RGS7: variants seen among roughly 807,000 people sequenced by gnomAD.
The protein encoded by RGS7 is regulator of G-protein signaling 7.
In RGS7, 27 loss-of-function variants were observed where a neutral mutation model predicts 81.1. The ratio of observed to expected loss-of-function variants is 0.33; its 90% confidence interval spans 0.25 to 0.46. The LOEUF is 0.46. RGS7 is among the 20% of genes least tolerant of loss of function. The probability of loss-of-function intolerance (pLI) is 1.00; values close to 1 mark genes in which losing one functional copy is unlikely to be tolerated. For synonymous variants in RGS7, 208 were observed against 207.7 expected, an observed-to-expected ratio of 1.00 and a Z score of -0.01; for missense variants, 396 against 607.4, an observed-to-expected ratio of 0.65 and a Z score of 3.66.
intron 6 of RGS7, among the ~76,000 whole-genome samples, chr1:240,909,919 G>A (rs373764516): frequency 1.3e-5 from 2 of 152,038 alleles, no homozygotes; most frequent in African/African-American, 4.8e-5. Context: ...ATTAAACACC[G>A]AGCCACCTGG....
intron 3 of RGS7, among the ~76,000 whole-genome samples, chr1:240,988,797 T>C (rs569863991): frequency 2.4e-4 from 36 of 152,342 alleles, no homozygotes; most frequent in African/African-American, 7.7e-4. Flanking sequence ...GCCGGTGTCC[T>C]AGTTCTGTCT....
At chr1:240,847,478 T>A (rs785978) in intron 9 of RGS7, among the ~76,000 whole-genome samples, 1 of 151,606 alleles carries the variant, frequency 6.6e-6, no homozygotes, top group African/African-American at 2.4e-5. Context: ...CATAGCTGTG[T>A]GAGTTATCTT....
chr1:240,936,735 A>G lies in RGS7; in HGVS notation c.227-29T>C, dbSNP rs1252509673. The G allele has an allele frequency of 1.9e-6, 3 of 1,540,056 alleles. No individual in the cohort carries two copies. In the East Asian group the frequency reaches 6.7e-5, roughly 35 times the overall value. ...TTTTATGAAAACAAACAAAGAACAT[A>G]AAAAAGCCTTTTAAATGTATTCTTT... On this transcript the variant is annotated intron_variant, in intron 4 of 18. Coordinates refer to ENST00000440928, the MANE Select transcript of RGS7 (RefSeq NM_001364886.1).
chr1:241,110,638 TTTTTA>T (rs10590598), intron 2 of RGS7, among the ~76,000 whole-genome samples: 142,319 of 144,060 alleles, frequency 0.99, 70,293 homozygotes, highest in East Asian at 1. Context: ...TATTATTTCA[TTTTTA>T]TTTTATTTTA....
Position 241,150,069 on chromosome 1 carries a change from C to T in RGS7, c.79-51307G>A, listed in dbSNP as rs545843307. ...TTTCATAAGAATCATACAACCTGTC[C>T]TCCCTGTACCTGGGGCATACACAGA... On this transcript the variant is annotated intron_variant, in intron 2 of 18. Transcript: ENST00000440928. 2.6e-5 allele frequency among the ~76,000 whole-genome samples: 4 copies of T among 152,268 alleles called. No homozygotes were observed. In the Middle Eastern group the frequency reaches 0.01, roughly 388 times the overall value.
intron 2 of RGS7, among the ~76,000 whole-genome samples, chr1:241,195,641 AT>A (rs1558177975): frequency 6.6e-6 from 1 of 152,152 alleles, no homozygotes; most frequent in Non-Finnish European, 1.5e-5. Context: ...AGGCAATACA[AT>A]TCAGTGAAGA....
chr1:241,229,428 G>A (rs568095157), intron 2 of RGS7, among the ~76,000 whole-genome samples: 28 of 152,278 alleles, frequency 1.8e-4, no homozygotes, highest in African/African-American at 5.8e-4. Context: ...GAGTCCTCAC[G>A]CGTGTAGCTT....
intron 4 of RGS7, among the ~76,000 whole-genome samples, chr1:240,952,348 G>C (rs985908718): frequency 6.6e-6 from 1 of 152,008 alleles, no homozygotes; most frequent in African/African-American, 2.4e-5. Context: ...CAGCAGTGTC[G>C]TAAAGGAAGA....
intron 3 of RGS7, among the ~76,000 whole-genome samples, chr1:241,045,046 T>A (rs1225740743): frequency 1.3e-5 from 2 of 152,196 alleles, no homozygotes; most frequent in African/African-American, 4.8e-5. Context: ...TGGCAATTAC[T>A]TTCTCTTCAG....
chr1:240,875,703 T>C (rs1484396442), intron 6 of RGS7, among the ~76,000 whole-genome samples: 2 of 152,204 alleles, frequency 1.3e-5, no homozygotes, highest in Non-Finnish European at 2.9e-5. Flanking sequence ...GCTTGTTACC[T>C]TTCATCTTTT....
chr1:240,838,029 C>A (rs920946770), intron 9 of RGS7, among the ~76,000 whole-genome samples: 1 of 152,072 alleles, frequency 6.6e-6, no homozygotes, highest in Non-Finnish European at 1.5e-5. Context: ...TCATAAGTTC[C>A]CAAATAGAAA....
chr1:241,309,825 C>T (rs1243737886), intron 2 of RGS7, among the ~76,000 whole-genome samples: 1 of 152,244 alleles, frequency 6.6e-6, no homozygotes, highest in Non-Finnish European at 1.5e-5. Flanking sequence ...TCTCACTTTA[C>T]AGCATTGCAC....
At chr1:240,929,764 A>T (rs797010682) in intron 6 of RGS7, among the ~76,000 whole-genome samples, 6 of 152,290 alleles carry the variant, frequency 3.9e-5, no homozygotes, top group African/African-American at 1.4e-4. Context: ...TCCTCTTAAG[A>T]TCCAGCTCAA....
chr1:240,801,512 A>AT lies in RGS7; in HGVS notation c.1360-5_1360-4insA. The AT allele has an allele frequency of 6.3e-7, 1 of 1,599,878 alleles. No homozygotes were observed. Among genetic ancestry groups the AT allele is most frequent in the Non-Finnish European group, 8.6e-7 (1 of 1,167,396 alleles). On this transcript the variant is annotated splice_polypyrimidine_tract_variant and splice_region_variant and intron_variant, in intron 16 of 18. Transcript: ENST00000440928. ...TGCGATCCATTGAGTTTCCAGACTT[A>AT]CGTATGTGGGGTAGGATAGGATGAA...
intron 2 of RGS7, among the ~76,000 whole-genome samples, chr1:241,307,896 A>G (rs2080274485): frequency 6.6e-6 from 1 of 152,192 alleles, no homozygotes; most frequent in Non-Finnish European, 1.5e-5. Flanking sequence ...ACATCGCCTC[A>G]GGGTACAGAA....
rs1383228581 is a variant in RGS7, at chr1:241,187,374, G to C, written c.79-88612C>G. 2.6e-5 allele frequency among the ~76,000 whole-genome samples: 4 copies of C among 152,080 alleles called. No homozygotes were observed. The East Asian group carries it at 7.7e-4, about 29-fold the overall frequency. ...TAGAGTGATAAATGACTTATTCAATGCTACATTGCTAGTTAAGTGAAGGAG... is the reference window on the plus strand; with the variant it reads ...TAGAGTGATAAATGACTTATTCAATCCTACATTGCTAGTTAAGTGAAGGAG... On this transcript the variant is annotated intron_variant, in intron 2 of 18. Coordinates refer to ENST00000440928, the MANE Select transcript of RGS7 (RefSeq NM_001364886.1).
chr1:241,286,815 A>C (rs981716480), intron 2 of RGS7, among the ~76,000 whole-genome samples: 1 of 152,116 alleles, frequency 6.6e-6, no homozygotes, highest in African/African-American at 2.4e-5. Context: ...ACAGCCCCAT[A>C]AACATGCCAC....
chr1:240,934,748 C>A (rs1218072218), intron 5 of RGS7, among the ~76,000 whole-genome samples: 1 of 152,054 alleles, frequency 6.6e-6, no homozygotes, highest in African/African-American at 2.4e-5. Flanking sequence ...CTTGACAACT[C>A]TCTGTCTATC....
intron 4 of RGS7, among the ~76,000 whole-genome samples, chr1:240,942,272 G>C (rs1235529591): frequency 2.6e-5 from 4 of 152,282 alleles, no homozygotes; most frequent in South Asian, 2.1e-4. Context: ...GGAACTCCAG[G>C]GGTGCAATCG....
Sources: gnomAD v4.1 joint callset for allele counts (sites outside exome capture counted in the v4.1 genomes callset) on GRCh38, gnomAD v4.1.1 for gene constraint, MANE v1.5 for transcripts, NCBI Gene and HGNC (gene_info 2026-07-23, HGNC 2026-07-21) for gene names.